The following HSF1 variants were observed in gnomAD, a reference collection of about 807,000 sequenced individuals.
The protein encoded by HSF1 is heat shock factor protein 1.
HSF1 carries 32 observed loss-of-function variants against 51.7 expected under a neutral mutation model. That is an observed-to-expected ratio of 0.62 (90% CI 0.47 to 0.83). The LOEUF (loss-of-function observed/expected upper bound fraction) is 0.83, where lower values mean the gene tolerates loss of function less well. Ranked by LOEUF, HSF1 falls within the 40% of genes least tolerant of loss-of-function variation. The probability of loss-of-function intolerance (pLI) is 0.00; values close to 1 mark genes in which losing one functional copy is unlikely to be tolerated. For synonymous variants in HSF1, 396 were observed against 309.7 expected (o/e 1.28, Z -2.92); for missense variants, 727 against 717.0 (o/e 1.01, Z -0.16).
chr8:144,292,819 G>A (rs1815187638), intron 1 of HSF1, among the ~76,000 whole-genome samples: 1 of 152,178 alleles, frequency 6.6e-6, no homozygotes, highest in African/African-American at 2.4e-5. Flanking sequence ...AAAATTTGCC[G>A]GGCGTGGTGG....
intron 1 of HSF1, among the ~76,000 whole-genome samples, chr8:144,301,599 G>T (rs549570916): frequency 7.9e-5 from 12 of 152,334 alleles, no homozygotes; most frequent in South Asian, 4.2e-4. Context: ...GGGCGCGGTG[G>T]CTCACGCCTG....
intron 1 of HSF1, among the ~76,000 whole-genome samples, chr8:144,300,197 T>TCAC (rs1815762502): frequency 6.8e-6 from 1 of 148,132 alleles, no homozygotes; most frequent in African/African-American, 2.5e-5. Flanking sequence ...GACATGCGTA[T>TCAC]CACTGTTGTG....
At chr8:144,313,332 G>T in intron 9 of HSF1, 179 bp from the exon 10 acceptor site, 2 of 577,706 alleles carry the variant, frequency 3.5e-6, no homozygotes, top group East Asian at 5.9e-5. Context: ...CCCCTGCAGG[G>T]CACAGAGCCT....
Position 144,309,553 on chromosome 8 carries a change from G to A in HSF1, c.325G>A (p.Glu109Lys), listed in dbSNP as rs1554843896. 6.2e-7 allele frequency: 1 copy of A among 1,613,964 alleles called. No individual in the cohort carries two copies. Among genetic ancestry groups the A allele is most frequent in the Non-Finnish European group, 8.5e-7 (1 of 1,180,032 alleles). Residue 109 changes from glutamate (E) to lysine (K), a missense_variant, in exon 3 of 13, where the codon GAG becomes AAG. Transcript: ENST00000528838. ...GCACCCATGCTTCCTGCGTGGCCAG[G>A]AGCAGCTCCTTGAGAACATCAAGAG... The part of the protein sequence containing the change: ...FQHPCFLRGQ[E>K]QLLENIKRKV...
chr8:144,305,008 G>C (rs199750082), intron 1 of HSF1, among the ~76,000 whole-genome samples: 2,683 of 151,006 alleles, frequency 0.018, 33 homozygotes, highest in Non-Finnish European at 0.027. Context: ...AGTGCAGTGG[G>C]GTGATCTCGG....
chr8:144,309,678 G>A, intron 3 of HSF1, 87 bp downstream of exon 3: 1 of 1,565,160 alleles, frequency 6.4e-7, no homozygotes, highest in Non-Finnish European at 8.7e-7. Flanking sequence ...ACCCCAGCCT[G>A]CCCCTTCCTG....
Position 144,314,125 on chromosome 8 carries a change from G to A in HSF1, c.1385G>A (p.Gly462Glu), listed in dbSNP as rs1817056199. ...CGCCTTGACACCCCCACCCCCGCAG[G>A]GAAGCAGCTGGTGCACTACACAGCG... is the stretch of plus-strand genomic sequence containing the variant. ...PEAENSSPDS[G>E]KQLVHYTAQP... The change falls in exon 13 of 13, where the codon GGG becomes GAG. Residue 462 changes from glycine to glutamate, a missense_variant and splice_region_variant. This residue lies in a region of HSF1 where 470 missense variants were observed against 398.8 expected (regional missense o/e 1.18). Transcript: ENST00000528838. 2 of 1,528,898 alleles carry A rather than the reference G, an allele frequency of 1.3e-6. No homozygotes were observed. Among genetic ancestry groups the A allele is most frequent in the East Asian group, 2.5e-5 (1 of 40,000 alleles). The allele number at this position is 1,528,898 out of a possible 1,614,324, so 94.7% of individuals were successfully genotyped here. A position where few individuals can be genotyped will look rare whatever the true frequency, so the allele number is the denominator to read the frequency against.
chr8:144,294,924 C>T (rs1193939339), intron 1 of HSF1, among the ~76,000 whole-genome samples: 2 of 152,240 alleles, frequency 1.3e-5, no homozygotes, highest in Non-Finnish European at 2.9e-5. Context: ...TGGGCGTGCA[C>T]GTGGGTGGTC....
In HSF1 at chr8:144,314,072, G is replaced by T; in HGVS notation, c.1384+18G>T. On this transcript the variant is annotated intron_variant, in intron 12 of 12. Transcript: ENST00000528838. The stretch of plus-strand genomic sequence containing the variant: ...GGATTCAGGTGAGCCAAGTCCCACC[G>T]GCCCCACCTCTGCCCCCAACCCCCC... The T allele has an allele frequency of 6.6e-7, 1 of 1,510,416 alleles. No individual in the cohort carries two copies. 93.6% of individuals were successfully genotyped at this position (1,510,416 alleles called of 1,614,324 possible).
chr8:144,301,688 A>C (rs1219306623), intron 1 of HSF1, among the ~76,000 whole-genome samples: 1 of 151,212 alleles, frequency 6.6e-6, no homozygotes, highest in Non-Finnish European at 1.5e-5. Flanking sequence ...AATACAGTGA[A>C]ACCCCGTCTC....
intron 1 of HSF1, among the ~76,000 whole-genome samples, chr8:144,296,598 A>G (rs1815477016): frequency 6.6e-6 from 1 of 152,154 alleles, no homozygotes; most frequent in Non-Finnish European, 1.5e-5. Context: ...GGAGGTCAGG[A>G]GATTGAGACC....
At position 144,311,609 on chromosome 8, in the gene HSF1, C is replaced by T; in HGVS notation, c.723+8C>T. ...GGCTCGGGCCCCTACTCGGTGAGTG[C>T]CGGAGACAGGGCACCCGCCCAGGCA... On this transcript the variant is annotated splice_region_variant and intron_variant, in intron 7 of 12. Coordinates refer to ENST00000528838, the MANE Select transcript of HSF1 (RefSeq NM_005526.4). The T allele has an allele frequency of 1.2e-6, 2 of 1,613,162 alleles. No individual in the cohort carries two copies. The highest frequency in any genetic ancestry group is 1.7e-6 in the Non-Finnish European group (2 of 1,179,876).
intron 1 of HSF1, among the ~76,000 whole-genome samples, chr8:144,303,430 T>C (rs1816023739): frequency 6.6e-6 from 1 of 152,028 alleles, no homozygotes; most frequent in African/African-American, 2.4e-5. Flanking sequence ...GCTCTTTCCT[T>C]ATGGACGGCC....
intron 1 of HSF1, among the ~76,000 whole-genome samples, chr8:144,302,246 C>T (rs568930173): frequency 1.8e-4 from 28 of 151,806 alleles, no homozygotes; most frequent in Non-Finnish European, 3.7e-4. Flanking sequence ...CCGTGGCTCA[C>T]GCCTGTAATC....
chr8:144,302,821 G>A (rs375920399), intron 1 of HSF1, among the ~76,000 whole-genome samples: 4 of 151,856 alleles, frequency 2.6e-5, no homozygotes, highest in East Asian at 1.9e-4. Context: ...ACTCTGTCTC[G>A]AAAAAACATA....
intron 9 of HSF1, chr8:144,313,295 G>C (rs970314677): frequency 1.3e-5 from 7 of 536,980 alleles, no homozygotes; most frequent in South Asian, 7.0e-5. Context: ...TCATGGCAAA[G>C]GGATGCCCAG....
chr8:144,303,637 G>T (rs1816034976), intron 1 of HSF1, among the ~76,000 whole-genome samples: 1 of 152,114 alleles, frequency 6.6e-6, no homozygotes, highest in Admixed American at 6.5e-5. Flanking sequence ...CAGCACCTTG[G>T]GAAGCCAAGG....
At chr8:144,309,168 C>T (rs891752584) in intron 2 of HSF1, 154 bp downstream of exon 2, 10 of 693,006 alleles carry the variant, frequency 1.4e-5, no homozygotes, top group East Asian at 8.1e-5. Flanking sequence ...GGGGAGCAGC[C>T]GCCTCTTCCA....
chr8:144,311,610 C>T lies in HSF1; in HGVS notation c.723+9C>T, dbSNP rs184590098. The stretch of plus-strand genomic sequence containing the variant: ...GCTCGGGCCCCTACTCGGTGAGTGC[C>T]GGAGACAGGGCACCCGCCCAGGCAT... On this transcript the variant is annotated intron_variant, in intron 7 of 12. Transcript: ENST00000528838. 3.8e-5 allele frequency: 61 copies of T among 1,613,172 alleles called. 1 individual carries two copies. The highest frequency in any genetic ancestry group is 1.3e-4 in the East Asian group (6 of 44,882).
Sources: gnomAD v4.1 joint callset for allele counts (sites outside exome capture counted in the v4.1 genomes callset) on GRCh38, gnomAD v4.1.1 for gene constraint, gnomAD v4.1.1 regional missense constraint, MANE v1.5 for transcripts, NCBI Gene and HGNC (gene_info 2026-07-23, HGNC 2026-07-21) for gene names.